SCAP: variants seen among roughly 807,000 people sequenced by gnomAD.
SCAP encodes SREBF chaperone.
SCAP carries 65 observed loss-of-function variants against 123.6 expected under a neutral mutation model. That is an observed-to-expected ratio of 0.53 (90% CI 0.43 to 0.65). SCAP has a LOEUF of 0.65. SCAP is among the 30% of genes least tolerant of loss of function. The pLI is 0.00. For synonymous variants in SCAP, 740 were observed against 726.3 expected, an observed-to-expected ratio of 1.02 and a Z score of -0.30; for missense variants, 1,398 against 1,712.5, an observed-to-expected ratio of 0.82 and a Z score of 3.24.
Position 47,427,680 on chromosome 3 carries a change from CA to C in SCAP, c.411-14del. ...CCTGATCCCAGAGCTGCACAGGAGA[CA>C]GGACAAGGCACCTGCTGTGTCTGCC... On this transcript the variant is annotated splice_polypyrimidine_tract_variant and intron_variant, in intron 4 of 22. Transcript: ENST00000265565. 1 of 1,610,662 alleles carries C rather than the reference CA, an allele frequency of 6.2e-7. No individual in the cohort carries two copies. Among genetic ancestry groups the C allele is most frequent in the African/African-American group, 1.3e-5 (1 of 74,950 alleles).
intron 1 of SCAP, among the ~76,000 whole-genome samples, chr3:47,459,502 G>A (rs754607672): frequency 6.6e-6 from 1 of 152,142 alleles, no homozygotes; most frequent in Non-Finnish European, 1.5e-5. Context: ...AAGAGAAACA[G>A]TACAAAGAGA....
chr3:47,424,438 C>T (rs1706034283), intron 8 of SCAP, among the ~76,000 whole-genome samples: 1 of 152,232 alleles, frequency 6.6e-6, no homozygotes, highest in Admixed American at 6.5e-5. Context: ...TGGGTGGACC[C>T]ATCACAGCTA....
chr3:47,417,823 C>T lies in SCAP; in HGVS notation c.2451G>A (p.Arg817=), dbSNP rs1340241463. The T allele has an allele frequency of 7.3e-7, 1 of 1,364,134 alleles. No homozygotes were observed. The highest frequency in any genetic ancestry group is 2.2e-5 in the Admixed American group (1 of 45,154). The allele number at this position is 1,364,134 out of a possible 1,614,324, so 84.5% of individuals were successfully genotyped here. Residue 817 remains arginine, a synonymous_variant, in exon 17 of 23, where the codon AGG becomes AGA. Coordinates refer to ENST00000265565, the MANE Select transcript of SCAP (RefSeq NM_012235.4). ...DCLTRIPRPG[R]QRRDSGVGSG... is the part of the protein sequence containing the mutation. The stretch of plus-strand genomic sequence containing the variant: ...TGCCCACGCCACTGTCCCGGCGCTG[C>T]CTGCTGGGGGCCAGGAGGGCGGAGT...
chr3:47,467,890 G>A (rs181132564), intron 1 of SCAP, among the ~76,000 whole-genome samples: 94 of 36,636 alleles, frequency 2.6e-3, no homozygotes, highest in African/African-American at 8.6e-3. Context: ...CCCATCCCCC[G>A]GCAGGCCCTG....
intron 3 of SCAP, 33 bp from the exon 4 acceptor site, chr3:47,428,703 A>G: frequency 6.2e-7 from 1 of 1,609,588 alleles, no homozygotes; most frequent in Non-Finnish European, 8.5e-7. Context: ...CAGAAAGGGC[A>G]GCTGAGCACA....
At chr3:47,415,728 C>T (rs1705543052) in intron 18 of SCAP, among the ~76,000 whole-genome samples, 1 of 152,102 alleles carries the variant, frequency 6.6e-6, no homozygotes, top group Non-Finnish European at 1.5e-5. Context: ...GCCCAGTAAC[C>T]CCAAAGCCTC....
intron 1 of SCAP, chr3:47,469,943 T>G (rs992653529): frequency 2.4e-6 from 1 of 412,740 alleles, no homozygotes; most frequent in East Asian, 6.3e-5. Context: ...GCTCTACTAT[T>G]GTGAAGAGAG....
chr3:47,438,213 T>G (rs1212404907), intron 2 of SCAP, among the ~76,000 whole-genome samples: 2 of 152,260 alleles, frequency 1.3e-5, no homozygotes, highest in Non-Finnish European at 2.9e-5. Flanking sequence ...TTTTGAATAT[T>G]TTAAATACAT....
chr3:47,418,917 C>T, intron 13 of SCAP, 74 bp from the exon 14 acceptor site: 3 of 1,383,702 alleles, frequency 2.2e-6, no homozygotes, highest in South Asian at 1.5e-5. Flanking sequence ...CCAGCCAGTC[C>T]TCTCCCTCCT....
rs888486912 is a variant in SCAP at position 47,450,002 on chromosome 3, T to C, written c.-98-6911A>G. ...GGATTCTTTGCCTTCAAAGAAACTT[T>C]TTTTTCTTTTTTTGAGATGGAGTCT... On this transcript the variant is annotated intron_variant, in intron 1 of 22. Coordinates refer to ENST00000265565, the MANE Select transcript of SCAP (RefSeq NM_012235.4). Among the ~76,000 whole-genome samples the C allele has an allele frequency of 1.0e-4, 13 of 125,212 alleles. 4 individuals carry two copies. Among genetic ancestry groups the C allele is most frequent in the Middle Eastern group, 8.7e-3 (2 of 230 alleles). 82.1% of individuals were successfully genotyped at this position (125,212 alleles called of 152,430 possible).
chr3:47,418,299 C>T (rs531845963), intron 15 of SCAP, 22 bp downstream of exon 15: 94 of 1,553,690 alleles, frequency 6.1e-5, no homozygotes, highest in Admixed American at 2.7e-4. Context: ...CTCCCCTACC[C>T]GGCCACTGTG....
At chr3:47,459,888 G>C (rs981708153) in intron 1 of SCAP, among the ~76,000 whole-genome samples, 17 of 152,076 alleles carry the variant, frequency 1.1e-4, no homozygotes, top group African/African-American at 3.9e-4. Flanking sequence ...AGGAGACCAG[G>C]GCGTATTTCA....
rs1305752645 is a variant in SCAP, at chr3:47,420,080, G to A, written c.1564-376C>T. ...TGACCTGCTCCAGAGTCCCCCAGAG[G>A]TCCTAGTCCCAGGGGGCCTCAGCCT... On this transcript the variant is annotated intron_variant, in intron 12 of 22. Transcript: ENST00000265565. This position sits in a 1 kb window ranked among gnomAD's most constrained non-coding sequence, Gnocchi z 5.0. Among the ~76,000 whole-genome samples, 1 of 152,158 alleles carries A rather than the reference G, an allele frequency of 6.6e-6. No individual in the cohort carries two copies. Among genetic ancestry groups the A allele is most frequent in the Admixed American group, 6.5e-5 (1 of 15,284 alleles).
intron 5 of SCAP, 72 bp from the exon 6 acceptor site, chr3:47,427,334 C>T: frequency 2.6e-6 from 4 of 1,539,324 alleles, no homozygotes; most frequent in Non-Finnish European, 3.6e-6. Context: ...ACCCCTTTCT[C>T]ACCCCCACCC....
In SCAP at chr3:47,425,447, C is replaced by G. The variant is rs1033974334; in HGVS notation, c.1037+38G>C. On this transcript the variant is annotated intron_variant, in intron 8 of 22. Transcript: ENST00000265565. The stretch of plus-strand genomic sequence containing the variant: ...GAAGTGCAAGGCTCTCTGGCCTGAG[C>G]CCACCCTGTGGCCCAGTGGAGCCTG... 3.8e-6 allele frequency: 6 copies of G among 1,599,926 alleles called. No individual in the cohort carries two copies. In the South Asian group the frequency reaches 5.6e-5, roughly 15 times the overall value.
chr3:47,425,603 C>A lies in SCAP; in HGVS notation c.919G>T (p.Asp307Tyr). The A allele has an allele frequency of 6.2e-7, 1 of 1,614,036 alleles. No individual in the cohort carries two copies. ...AGCCCCCACTTGGACTTGACCATGT[C>A]GATCTTCCCTGGAGGGCAGAGAGGG... Reference protein sequence around the residue: ...AYIYFSTRKIDMVKSKWGLAL... With the variant: ...AYIYFSTRKIYMVKSKWGLAL... The change falls in exon 8 of 23, where the codon GAC (aspartate) becomes TAC (tyrosine). Residue 307 changes from aspartate to tyrosine, a missense_variant. By Grantham distance (160) the Asp-to-Tyr change is radical. Transcript: ENST00000265565.
chr3:47,414,375 C>T lies in SCAP; in HGVS notation c.3399G>A (p.Leu1133=). 1 of 1,612,788 alleles carries T rather than the reference C, an allele frequency of 6.2e-7. No individual in the cohort carries two copies. Among genetic ancestry groups the T allele is most frequent in the Non-Finnish European group, 8.5e-7 (1 of 1,180,010 alleles). Residue 1133 remains leucine, a synonymous_variant, in exon 22 of 23, where the codon CTG becomes CTA. Coordinates refer to ENST00000265565, the MANE Select transcript of SCAP (RefSeq NM_012235.4). ...TTVYIDQTMV[L]ASGGQDGAIC... ...TGGCCCCATCTTGTCCTCCACTGGC[C>T]AGCACCATGGTCTGGGGAAACAGGC... is the stretch of plus-strand genomic sequence containing the variant.
At position 47,413,721 on chromosome 3, in the gene SCAP, A is replaced by T. The variant is rs530099494; in HGVS notation, c.*133T>A. On this transcript the variant is annotated 3_prime_UTR_variant, in exon 23 of 23. Transcript: ENST00000265565. ...CTGACAGATGATGATATGGTTTTTT[A>T]AAAAAGTTTAATATTATTACAGTCA... The T allele has an allele frequency of 2.2e-4, 276 of 1,272,386 alleles. No homozygotes were observed. Among genetic ancestry groups the T allele is most frequent in the African/African-American group, 4.5e-4 (30 of 67,140 alleles). The allele number at this position is 1,272,386 out of a possible 1,614,324, so 78.8% of individuals were successfully genotyped here. A position where few individuals can be genotyped will look rare whatever the true frequency, so the allele number is the denominator to read the frequency against.
At position 47,422,511 on chromosome 3, in the gene SCAP, G is replaced by C; in HGVS notation, c.1176C>G (p.Ile392Met). ...AQGLSSESWS[I>M]MKNMATELGI... is the part of the protein sequence containing the mutation. ...CCAGCTCCGTGGCCATGTTCTTCAT[G>C]ATGGACCAGCTCTCGCTGCTTAGGC... Residue 392 changes from isoleucine to methionine, a missense_variant, in exon 10 of 23, where the codon ATC becomes ATG. Ile to Met is a conservative substitution (Grantham distance 10). Transcript: ENST00000265565. 6.2e-7 allele frequency: 1 copy of C among 1,613,578 alleles called. No homozygotes were observed. Among genetic ancestry groups the C allele is most frequent in the Non-Finnish European group, 8.5e-7 (1 of 1,179,740 alleles).
Sources: gnomAD v4.1 joint callset for allele counts (sites outside exome capture counted in the v4.1 genomes callset) on GRCh38, gnomAD v4.1.1 for gene constraint, Gnocchi (gnomAD v3.1) non-coding constraint, MANE v1.5 for transcripts, NCBI Gene and HGNC (gene_info 2026-07-23, HGNC 2026-07-21) for gene names.